GALNT18: variants seen among roughly 807,000 people sequenced by gnomAD.
The protein encoded by GALNT18 is GalNAc-transferase 18.
GALNT18 carries 44 observed loss-of-function variants against 69.5 expected under a neutral mutation model. The observed-to-expected ratio is 0.63, with a 90% CI of 0.50 to 0.81. GALNT18 has a LOEUF of 0.81. GALNT18 is among the 40% of genes least tolerant of loss of function. The pLI is 0.00. For missense variants in GALNT18, 715 were observed against 810.0 expected (o/e 0.88, Z 1.42); for synonymous variants, 364 against 318.2 (o/e 1.14, Z -1.53).
intron 6 of GALNT18, among the ~76,000 whole-genome samples, chr11:11,363,438 A>T (rs1050869335): frequency 6.6e-6 from 1 of 152,188 alleles, no homozygotes; most frequent in African/African-American, 2.4e-5. Flanking sequence ...AATGCAAAAT[A>T]AATTAAACCA....
intron 10 of GALNT18, among the ~76,000 whole-genome samples, chr11:11,288,949 T>A (rs1370497006): frequency 1.3e-5 from 2 of 152,280 alleles, no homozygotes; most frequent in Non-Finnish European, 2.9e-5. Context: ...CTCAGGAGAA[T>A]AAATAGTGCA....
intron 6 of GALNT18, among the ~76,000 whole-genome samples, chr11:11,362,929 A>G (rs1850676611): frequency 6.6e-6 from 1 of 152,232 alleles, no homozygotes; most frequent in African/African-American, 2.4e-5. Flanking sequence ...GGAAATTGGT[A>G]GAACAAACTA....
In GALNT18 at chr11:11,463,024, C is replaced by G. The variant is rs371632516; in HGVS notation, c.236-14088G>C. Among the ~76,000 whole-genome samples the G allele has an allele frequency of 1.3e-5, 2 of 152,312 alleles. No homozygotes were observed. The highest frequency in any genetic ancestry group is 3.9e-4 in the East Asian group (2 of 5,178). ...CTGGGTCTAGATGTATAGCATGCAC[C>G]TGCCCCTACAGGACAGGCAGGTGGG... On this transcript the variant is annotated intron_variant, in intron 1 of 10. Transcript: ENST00000227756. The surrounding 1 kb of genome is among the most constrained non-coding windows in gnomAD (Gnocchi z 4.2).
intron 1 of GALNT18, among the ~76,000 whole-genome samples, chr11:11,609,440 G>T (rs1357188851): frequency 2.0e-5 from 3 of 152,160 alleles, no homozygotes; most frequent in Non-Finnish European, 4.4e-5. Flanking sequence ...CCTTCCTCAA[G>T]TCTTTGCTTA....
chr11:11,429,233 T>C (rs1417444626), intron 3 of GALNT18, among the ~76,000 whole-genome samples: 1 of 152,216 alleles, frequency 6.6e-6, no homozygotes, highest in Non-Finnish European at 1.5e-5. Flanking sequence ...CTCTTATTCC[T>C]GAAATTCTCT....
At chr11:11,477,030 G>C (rs7394904) in intron 1 of GALNT18, among the ~76,000 whole-genome samples, 103,109 of 152,114 alleles carry the variant, frequency 0.68, 35,777 homozygotes, top group Admixed American at 0.78. Flanking sequence ...ACCTCCCACC[G>C]CACACTTAGT....
rs939927242 is a variant in GALNT18, at chr11:11,387,430, A to T, written c.596-8166T>A. On this transcript the variant is annotated intron_variant, in intron 3 of 10. Coordinates refer to ENST00000227756, the MANE Select transcript of GALNT18 (RefSeq NM_198516.3). This position sits in a 1 kb window ranked among gnomAD's most constrained non-coding sequence, Gnocchi z 4.6. ...CATCCCTCCAGTTGCCCAGGAGGGG[A>T]GTGGGAACACCCCACCCACACCCCC... is the stretch of plus-strand genomic sequence containing the variant. Among the ~76,000 whole-genome samples, 4 of 152,026 alleles carry T rather than the reference A, an allele frequency of 2.6e-5. No homozygotes were observed. Among genetic ancestry groups the T allele is most frequent in the Non-Finnish European group, 4.4e-5 (3 of 67,988 alleles).
chr11:11,321,058 C>T (rs567874613), intron 9 of GALNT18, among the ~76,000 whole-genome samples: 3 of 152,292 alleles, frequency 2.0e-5, no homozygotes, highest in South Asian at 2.1e-4. Context: ...AGCTTCACAT[C>T]AAGAAGCTTA....
chr11:11,299,275 G>T (rs1212707861), intron 9 of GALNT18, among the ~76,000 whole-genome samples: 2 of 152,136 alleles, frequency 1.3e-5, no homozygotes, highest in East Asian at 3.8e-4. Context: ...CTCCCAAGTG[G>T]CTGGGATTAC....
At chr11:11,406,249 G>A (rs1854585482) in intron 3 of GALNT18, among the ~76,000 whole-genome samples, 1 of 152,216 alleles carries the variant, frequency 6.6e-6, no homozygotes, top group Non-Finnish European at 1.5e-5. Flanking sequence ...TGCCAGGGCT[G>A]TTGTAGACAA....
chr11:11,313,773 C>T (rs1849706274), intron 9 of GALNT18, among the ~76,000 whole-genome samples: 1 of 152,174 alleles, frequency 6.6e-6, no homozygotes, highest in Non-Finnish European at 1.5e-5. Context: ...AGTTTTCTCA[C>T]CTGTAAAGAA....
intron 1 of GALNT18, among the ~76,000 whole-genome samples, chr11:11,457,622 G>A (rs1855951746): frequency 6.6e-6 from 1 of 152,212 alleles, no homozygotes; most frequent in African/African-American, 2.4e-5. Flanking sequence ...AGCTCACCTG[G>A]CTGAGGACCC....
At chr11:11,272,841 G>A (rs1443321687) in intron 10 of GALNT18, among the ~76,000 whole-genome samples, 3 of 152,160 alleles carry the variant, frequency 2.0e-5, no homozygotes. Flanking sequence ...GAGAGGGAGA[G>A]GTGGCAAACT....
At chr11:11,281,367 G>C (rs529291549) in intron 10 of GALNT18, among the ~76,000 whole-genome samples, 1 of 152,308 alleles carries the variant, frequency 6.6e-6, no homozygotes, top group East Asian at 1.9e-4. Context: ...ATAGGAATCC[G>C]TTTATCAGCT....
In GALNT18 at chr11:11,415,924, C is replaced by G. The variant is rs1376344902; in HGVS notation, c.595+16697G>C. On this transcript the variant is annotated intron_variant, in intron 3 of 10. Transcript: ENST00000227756. This position sits in a 1 kb window ranked among gnomAD's most constrained non-coding sequence, Gnocchi z 4.1. The stretch of plus-strand genomic sequence containing the variant: ...AGCTGGGCACCTAAGACTGTGGGAA[C>G]TCACTCCAGAAAGATTAAACAGCAA... Among the ~76,000 whole-genome samples the G allele has an allele frequency of 2.0e-5, 3 of 152,238 alleles. No individual in the cohort carries two copies. Among genetic ancestry groups the G allele is most frequent in the Non-Finnish European group, 4.4e-5 (3 of 68,046 alleles).
intron 1 of GALNT18, among the ~76,000 whole-genome samples, chr11:11,585,328 A>G (rs1054925956): frequency 1.3e-5 from 2 of 151,506 alleles, no homozygotes; most frequent in African/African-American, 2.4e-5. Context: ...TTCTTTTCCC[A>G]TCTACATATA....
At chr11:11,594,614 T>C (rs1483775354) in intron 1 of GALNT18, among the ~76,000 whole-genome samples, 1 of 152,144 alleles carries the variant, frequency 6.6e-6, no homozygotes, top group Non-Finnish European at 1.5e-5. Context: ...TCAAGATTTA[T>C]CCATGTTGTA....
chr11:11,408,663 T>C (rs931655766), intron 3 of GALNT18, among the ~76,000 whole-genome samples: 1 of 152,188 alleles, frequency 6.6e-6, no homozygotes, highest in Admixed American at 6.5e-5. Context: ...CACCCACACC[T>C]GCATCGTAGG....
intron 1 of GALNT18, among the ~76,000 whole-genome samples, chr11:11,456,616 T>C (rs964729021): frequency 5.9e-5 from 9 of 152,190 alleles, no homozygotes; most frequent in African/African-American, 2.2e-4. Context: ...AGCATTCCTG[T>C]CAGTTGGTTA....
Sources: allele counts gnomAD v4.1 joint callset (sites outside exome capture counted in the v4.1 genomes callset), GRCh38; gene constraint gnomAD v4.1.1; non-coding constraint Gnocchi (gnomAD v3.1); transcripts MANE v1.5; gene names NCBI Gene and HGNC (gene_info 2026-07-23, HGNC 2026-07-21).